The following DEPDC5 variants were observed in gnomAD, a reference collection of about 807,000 sequenced individuals.
The protein encoded by DEPDC5 is DEP domain containing 5, GATOR1 subcomplex subunit.
DEPDC5 carries 73 observed loss-of-function variants against 217.3 expected under a neutral mutation model. That is an observed-to-expected ratio of 0.34 (90% CI 0.28 to 0.41). The LOEUF is 0.41. DEPDC5 is among the 10% of genes least tolerant of loss of function. The probability of loss-of-function intolerance (pLI) is 1.00; values close to 1 mark genes in which losing one functional copy is unlikely to be tolerated. For missense variants in DEPDC5, 1,675 were observed against 2,070.1 expected (o/e 0.81, Z 3.70); for synonymous variants, 733 against 756.7 (o/e 0.97, Z 0.51).
chr22:31,802,773 G>T lies in DEPDC5; in HGVS notation c.1016G>T (p.Gly339Val). ...TGQMSVVITP[G>V]VGVFEVDRLL... ...CAGATGTCAGTGGTGATCACGCCCG[G>T]GGTGGGTGTCTTTGAAGTGGACCGC... The change falls in exon 15 of 43, where the codon GGG (glycine) becomes GTG (valine). Residue 339 changes from glycine to valine, a missense_variant. Gly to Val is a moderately radical substitution (Grantham distance 109). Coordinates refer to ENST00000651528, the MANE Select transcript of DEPDC5 (RefSeq NM_001242896.3). 6.2e-7 allele frequency: 1 copy of T among 1,606,062 alleles called. No homozygotes were observed.
Position 31,797,714 on chromosome 22 carries a change from C to G in DEPDC5, c.871+11C>G. 1 of 1,601,670 alleles carries G rather than the reference C, an allele frequency of 6.2e-7. No individual in the cohort carries two copies. The highest frequency in any genetic ancestry group is 8.6e-7 in the Non-Finnish European group (1 of 1,168,698). On this transcript the variant is annotated intron_variant, in intron 13 of 42. Transcript: ENST00000651528. ...GACTGGAACAGGCAGGTACTGCATT[C>G]ATGTAATAGATGGTGCGGCGGGGAA... is the stretch of plus-strand genomic sequence containing the variant.
intron 24 of DEPDC5, chr22:31,823,005 A>G: frequency 2.0e-6 from 1 of 498,162 alleles, no homozygotes; most frequent in Non-Finnish European, 3.7e-6. Context: ...GTCAAGCCAC[A>G]TTTATCATCA....
intron 3 of DEPDC5, 45 bp from the exon 4 acceptor site, chr22:31,760,611 T>C: frequency 6.3e-7 from 1 of 1,575,222 alleles, no homozygotes; most frequent in Non-Finnish European, 8.7e-7. Flanking sequence ...TGCTAGGGAG[T>C]TACTGTTCAC....
chr22:31,760,066 G>C (rs1252201829), intron 3 of DEPDC5, among the ~76,000 whole-genome samples: 1 of 129,794 alleles, frequency 7.7e-6, no homozygotes, highest in African/African-American at 3.3e-5. Flanking sequence ...GAGTTTCTTT[G>C]TTTCTTTTTT....
intron 12 of DEPDC5, among the ~76,000 whole-genome samples, chr22:31,796,257 C>T (rs1260727009): frequency 1.3e-5 from 2 of 152,046 alleles, no homozygotes; most frequent in African/African-American, 4.8e-5. Context: ...CCTGCCACCA[C>T]ACCCGGCTAA....
At chr22:31,871,274 TA>T (rs1203547639) in intron 34 of DEPDC5, among the ~76,000 whole-genome samples, 4 of 152,264 alleles carry the variant, frequency 2.6e-5, no homozygotes, top group African/African-American at 9.6e-5. Flanking sequence ...GTGTTTGCTT[TA>T]TAGTAATTAT....
At chr22:31,839,793 C>T (rs1041975133) in intron 27 of DEPDC5, among the ~76,000 whole-genome samples, 9 of 152,120 alleles carry the variant, frequency 5.9e-5, no homozygotes, top group African/African-American at 2.2e-4. Context: ...ATCTTTTTGT[C>T]CTCCACAATG....
chr22:31,886,823 C>CA (rs1292505021), intron 38 of DEPDC5, among the ~76,000 whole-genome samples: 1 of 148,808 alleles, frequency 6.7e-6, no homozygotes, highest in East Asian at 2.0e-4. Context: ...GTAATCCCAG[C>CA]ACTTTGGGAG....
At chr22:31,876,025 T>G (rs1001306317) in intron 36 of DEPDC5, 132 bp from the exon 37 acceptor site, 2 of 663,258 alleles carry the variant, frequency 3.0e-6, no homozygotes, top group South Asian at 3.9e-5. Flanking sequence ...AAGTACAACA[T>G]GTCTAATCTG....
intron 35 of DEPDC5, 71 bp from the exon 36 acceptor site, chr22:31,874,202 C>A: frequency 9.1e-6 from 14 of 1,533,866 alleles, no homozygotes; most frequent in East Asian, 2.5e-5. Context: ...CCTTCTTTTT[C>A]ATCTTTCCTT....
intron 38 of DEPDC5, among the ~76,000 whole-genome samples, chr22:31,884,451 G>T (rs142196275): frequency 6.6e-6 from 1 of 152,164 alleles, no homozygotes; most frequent in Non-Finnish European, 1.5e-5. Flanking sequence ...TTAGCCTGGC[G>T]GCCAGTCCTC....
chr22:31,793,471 CTAAG>C (rs903387745), intron 12 of DEPDC5, among the ~76,000 whole-genome samples: 1 of 151,790 alleles, frequency 6.6e-6, no homozygotes, highest in Non-Finnish European at 1.5e-5. Flanking sequence ...GTGCCATTGA[CTAAG>C]TAAATTATCA....
chr22:31,803,434 G>T (rs540885335), intron 15 of DEPDC5, among the ~76,000 whole-genome samples: 34 of 152,034 alleles, frequency 2.2e-4, no homozygotes, highest in African/African-American at 8.0e-4. Flanking sequence ...GGATGGTCTC[G>T]ATCTCCTGAC....
intron 38 of DEPDC5, among the ~76,000 whole-genome samples, chr22:31,891,881 C>G (rs16989610): frequency 0.043 from 6,580 of 152,234 alleles, 204 homozygotes; most frequent in Non-Finnish European, 0.05. Context: ...GGGCCTTAGC[C>G]TGGTCAGGAA....
intron 37 of DEPDC5, among the ~76,000 whole-genome samples, chr22:31,878,870 C>T (rs995281272): frequency 6.6e-6 from 1 of 151,434 alleles, no homozygotes; most frequent in South Asian, 2.1e-4. Context: ...GAAATCCCGT[C>T]TACTAAAAAT....
intron 12 of DEPDC5, among the ~76,000 whole-genome samples, chr22:31,795,506 G>A (rs925328920): frequency 3.9e-5 from 6 of 152,018 alleles, no homozygotes; most frequent in African/African-American, 1.5e-4. Context: ...CAATTCTCCT[G>A]CCTCAGCCTC....
chr22:31,879,085 T>TATATAC (rs2093099326), intron 37 of DEPDC5, among the ~76,000 whole-genome samples: 1 of 138,494 alleles, frequency 7.2e-6, no homozygotes, highest in African/African-American at 2.9e-5. Context: ...CACACACGTA[T>TATATAC]ATATATATAC....
chr22:31,809,532 A>G, intron 18 of DEPDC5, 79 bp from the exon 19 acceptor site: 3 of 1,474,010 alleles, frequency 2.0e-6, no homozygotes, highest in Non-Finnish European at 2.8e-6. Flanking sequence ...CCCTGGGAGC[A>G]GCACATATAT....
At chr22:31,892,455 G>A (rs1253030549) in intron 38 of DEPDC5, among the ~76,000 whole-genome samples, 1 of 152,148 alleles carries the variant, frequency 6.6e-6, no homozygotes, top group Non-Finnish European at 1.5e-5. Context: ...AGGCCGAGGC[G>A]GGTGGAGCAC....
Sources: allele counts gnomAD v4.1 joint callset (sites outside exome capture counted in the v4.1 genomes callset), GRCh38; gene constraint gnomAD v4.1.1; transcripts MANE v1.5; gene names NCBI Gene and HGNC (gene_info 2026-07-23, HGNC 2026-07-21).